XXYLT1: variants seen among roughly 807,000 people sequenced by gnomAD.
The protein encoded by XXYLT1 is UDP-xylose:alpha-xyloside alpha-1,3-xylosyltransferase.
In XXYLT1, 20 loss-of-function variants were observed where a neutral mutation model predicts 28.9. The ratio of observed to expected loss-of-function variants is 0.69; its 90% CI spans 0.49 to 1.00. The LOEUF is 1.00. XXYLT1 is among the 50% of genes least tolerant of loss of function. XXYLT1 has a pLI of 0.00. For missense variants in XXYLT1, 542 were observed against 560.1 expected (o/e 0.97, Z 0.33); for synonymous variants, 257 against 253.8 (o/e 1.01, Z -0.12).
intron 3 of XXYLT1, among the ~76,000 whole-genome samples, chr3:195,095,054 A>G (rs12636956): frequency 0.18 from 27,957 of 152,232 alleles, 2,754 homozygotes; most frequent in East Asian, 0.4. Context: ...ACAAGCCCCC[A>G]GGTGATACCA....
rs1717997546 is a variant in XXYLT1 at position 195,115,544 on chromosome 3, C to T, written c.785+40905G>A. Among the ~76,000 whole-genome samples the T allele has an allele frequency of 6.6e-6, 1 of 152,206 alleles. No homozygotes were observed. The highest frequency in any genetic ancestry group is 1.5e-5 in the Non-Finnish European group (1 of 68,048). On this transcript the variant is annotated intron_variant, in intron 3 of 3. Transcript: ENST00000310380. This position sits in a 1 kb window ranked among gnomAD's most constrained non-coding sequence, Gnocchi z 4.2. ...GAGTGGTTTCTGCTTCCTACGCGAT[C>T]CCTGGTTGATAAACCCTGCCTGGCA...
intron 3 of XXYLT1, among the ~76,000 whole-genome samples, chr3:195,103,635 C>T (rs777912784): frequency 7.9e-5 from 12 of 152,178 alleles, no homozygotes; most frequent in Non-Finnish European, 1.6e-4. Flanking sequence ...TTTACCTAGA[C>T]TCAGATAAAT....
At chr3:195,211,620 G>A (rs1723316123) in intron 2 of XXYLT1, among the ~76,000 whole-genome samples, 1 of 152,190 alleles carries the variant, frequency 6.6e-6, no homozygotes, top group Non-Finnish European at 1.5e-5. Flanking sequence ...TCTGGGTGGG[G>A]CAGATAGATG....
At chr3:195,153,448 G>A (rs767149868) in intron 3 of XXYLT1, among the ~76,000 whole-genome samples, 1 of 152,198 alleles carries the variant, frequency 6.6e-6, no homozygotes, top group Non-Finnish European at 1.5e-5. Context: ...TTTCAGCTGA[G>A]GGGTGGAGGG....
Position 195,143,873 on chromosome 3 carries a change from T to G in XXYLT1, c.785+12576A>C, listed in dbSNP as rs1340977872. 6.0e-5 allele frequency among the ~76,000 whole-genome samples: 7 copies of G among 115,850 alleles called. 1 individual carries two copies. The highest frequency in any genetic ancestry group is 1.7e-4 in the Admixed American group (2 of 11,794). 76.0% of individuals were successfully genotyped at this position (115,850 alleles called of 152,430 possible). On this transcript the variant is annotated intron_variant, in intron 3 of 3. Coordinates refer to ENST00000310380, the MANE Select transcript of XXYLT1 (RefSeq NM_152531.5). ...ATATATAGATATATATAGATATAGA[T>G]ATATATATATATATATTTATTTTTT... is the stretch of plus-strand genomic sequence containing the variant.
chr3:195,126,781 G>A lies in XXYLT1; in HGVS notation c.785+29668C>T, dbSNP rs143279063. On this transcript the variant is annotated intron_variant, in intron 3 of 3. Coordinates refer to ENST00000310380, the MANE Select transcript of XXYLT1 (RefSeq NM_152531.5). ...TTGCCACCCCATCTGCCAGGTGGCC[G>A]GAGGGAGCAAAGGCACAGCCTCCCA... Among the ~76,000 whole-genome samples, 234 of 152,316 alleles carry A rather than the reference G, an allele frequency of 1.5e-3. 2 individuals are homozygous for A. Among genetic ancestry groups the A allele is most frequent in the African/African-American group, 4.7e-3 (195 of 41,562 alleles).
At chr3:195,222,928 G>C (rs1317305687) in intron 2 of XXYLT1, among the ~76,000 whole-genome samples, 1 of 152,054 alleles carries the variant, frequency 6.6e-6, no homozygotes, top group African/African-American at 2.4e-5. Flanking sequence ...AGAAGATAAA[G>C]AATCAGTAAT....
intron 3 of XXYLT1, among the ~76,000 whole-genome samples, chr3:195,103,562 T>C (rs1022783306): frequency 6.6e-6 from 1 of 152,270 alleles, no homozygotes; most frequent in Non-Finnish European, 1.5e-5. Context: ...TAATTTTAAA[T>C]AGGAACATGT....
At chr3:195,267,572 C>T (rs1560184224) in intron 1 of XXYLT1, among the ~76,000 whole-genome samples, 1 of 152,322 alleles carries the variant, frequency 6.6e-6, no homozygotes, top group East Asian at 1.9e-4. Flanking sequence ...ATAAAATTCC[C>T]TCATCTGTCA....
intron 1 of XXYLT1, among the ~76,000 whole-genome samples, chr3:195,242,670 G>A (rs973595997): frequency 6.6e-6 from 1 of 152,172 alleles, no homozygotes; most frequent in East Asian, 1.9e-4. Context: ...GATCTGCATA[G>A]GGCCCAGGGA....
At chr3:195,080,622 C>G (rs1236885682) in intron 3 of XXYLT1, among the ~76,000 whole-genome samples, 1 of 152,198 alleles carries the variant, frequency 6.6e-6, no homozygotes, top group Non-Finnish European at 1.5e-5. Context: ...GGCTCACTGT[C>G]CCCGACAGCC....
chr3:195,197,765 C>T (rs1364063938), intron 2 of XXYLT1, among the ~76,000 whole-genome samples: 1 of 152,204 alleles, frequency 6.6e-6, no homozygotes, highest in Non-Finnish European at 1.5e-5. Context: ...AAATCTAGTC[C>T]TCATCCTACT....
intron 1 of XXYLT1, among the ~76,000 whole-genome samples, chr3:195,251,992 C>T (rs754783484): frequency 1.5e-4 from 23 of 152,150 alleles, no homozygotes; most frequent in Non-Finnish European, 2.4e-4. Flanking sequence ...AATGAGTAAA[C>T]GGAGGTCCAC....
At chr3:195,116,057 G>A (rs76323134) in intron 3 of XXYLT1, among the ~76,000 whole-genome samples, 4,534 of 152,228 alleles carry the variant, frequency 0.03, 109 homozygotes, top group Middle Eastern at 0.11. Context: ...AAGACTCAGC[G>A]ACAGGGAGAA....
At chr3:195,232,332 A>AC (rs141482332) in intron 1 of XXYLT1, among the ~76,000 whole-genome samples, 14,831 of 152,028 alleles carry the variant, frequency 0.098, 1,372 homozygotes, top group African/African-American at 0.23. Flanking sequence ...TACCAAAAAA[A>AC]AACTTTTCAT....
At chr3:195,103,805 C>G (rs1445670256) in intron 3 of XXYLT1, among the ~76,000 whole-genome samples, 2 of 152,176 alleles carry the variant, frequency 1.3e-5, no homozygotes, top group Non-Finnish European at 2.9e-5. Flanking sequence ...CCTTTGACCT[C>G]ATGGAATAAA....
At chr3:195,229,798 C>T (rs1372779444) in intron 1 of XXYLT1, among the ~76,000 whole-genome samples, 1 of 152,208 alleles carries the variant, frequency 6.6e-6, no homozygotes, top group African/African-American at 2.4e-5. Flanking sequence ...CTGATGGAAC[C>T]TTAGGCTGCT....
intron 2 of XXYLT1, among the ~76,000 whole-genome samples, chr3:195,193,671 T>C (rs1208800328): frequency 6.6e-6 from 1 of 152,200 alleles, no homozygotes; most frequent in Non-Finnish European, 1.5e-5. Context: ...GACGGTGTGA[T>C]ACTGGCACAG....
At chr3:195,179,337 T>C (rs1577114381) in intron 2 of XXYLT1, among the ~76,000 whole-genome samples, 1 of 133,836 alleles carries the variant, frequency 7.5e-6, no homozygotes, top group Non-Finnish European at 1.6e-5. Context: ...TGAGACACCG[T>C]CTCAAAAAAA....
Sources: gnomAD v4.1 joint callset for allele counts (sites outside exome capture counted in the v4.1 genomes callset) on GRCh38, gnomAD v4.1.1 for gene constraint, Gnocchi (gnomAD v3.1) non-coding constraint, MANE v1.5 for transcripts, NCBI Gene and HGNC (gene_info 2026-07-23, HGNC 2026-07-21) for gene names.